GRID2: variants seen among roughly 807,000 people sequenced by gnomAD.
The protein encoded by GRID2 is glutamate ionotropic receptor delta type subunit 2.
In GRID2, 33 loss-of-function variants were observed where a neutral mutation model predicts 114.8. The observed-to-expected ratio is 0.29, with a 90% CI of 0.22 to 0.38. The LOEUF is 0.38. Ranked by LOEUF, GRID2 falls within the 10% of genes least tolerant of loss-of-function variation. The pLI is 1.00. For missense variants in GRID2, 1,184 were observed against 1,257.7 expected (o/e 0.94, Z 0.89); for synonymous variants, 505 against 449.9 (o/e 1.12, Z -1.55).
At chr4:92,582,116 T>A in intron 1 of GRID2, among the ~76,000 whole-genome samples, 1 of 152,082 alleles carries the variant, frequency 6.6e-6, no homozygotes, top group Non-Finnish European at 1.5e-5. Flanking sequence ...ATAGTTTCTG[T>A]ACCTGGCCAC....
intron 4 of GRID2, among the ~76,000 whole-genome samples, chr4:93,173,760 G>C (rs1739078235): frequency 6.6e-6 from 1 of 152,068 alleles, no homozygotes; most frequent in African/African-American, 2.4e-5. Context: ...CTCCCAAGCA[G>C]CTGGGACTAT....
At chr4:92,460,805 GTTTTTC>G (rs1007708375) in intron 1 of GRID2, among the ~76,000 whole-genome samples, 4 of 151,884 alleles carry the variant, frequency 2.6e-5, no homozygotes, top group Non-Finnish European at 2.9e-5. Flanking sequence ...TTACCTCACT[GTTTTTC>G]TTTTTCAAAA....
intron 8 of GRID2, among the ~76,000 whole-genome samples, chr4:93,314,939 G>A (rs939791820): frequency 6.6e-6 from 1 of 152,026 alleles, no homozygotes; most frequent in Non-Finnish European, 1.5e-5. Flanking sequence ...AATAGTCACT[G>A]TATTAGTCTG....
At chr4:93,015,553 C>T (rs1183550385) in intron 2 of GRID2, among the ~76,000 whole-genome samples, 2 of 152,112 alleles carry the variant, frequency 1.3e-5, no homozygotes, top group Non-Finnish European at 2.9e-5. Flanking sequence ...GATAAGTGCT[C>T]AACACATAGG....
At chr4:92,757,119 T>G (rs1057484666) in intron 2 of GRID2, among the ~76,000 whole-genome samples, 1 of 152,102 alleles carries the variant, frequency 6.6e-6, no homozygotes, top group African/African-American at 2.4e-5. Context: ...TTTTAGTGGA[T>G]TATTGTATTT....
chr4:93,362,628 G>A (rs1761981491), intron 8 of GRID2, among the ~76,000 whole-genome samples: 1 of 152,044 alleles, frequency 6.6e-6, no homozygotes, highest in African/African-American at 2.4e-5. Context: ...ATGTAGGGAA[G>A]AAAAATCTGG....
intron 2 of GRID2, among the ~76,000 whole-genome samples, chr4:93,001,907 G>C (rs183507247): frequency 6.6e-6 from 1 of 150,552 alleles, no homozygotes; most frequent in South Asian, 2.1e-4. Flanking sequence ...AATTATAAAG[G>C]ATAGACACCA....
At chr4:93,336,232 CT>C (rs1560512866) in intron 8 of GRID2, among the ~76,000 whole-genome samples, 1 of 151,964 alleles carries the variant, frequency 6.6e-6, no homozygotes, top group Non-Finnish European at 1.5e-5. Context: ...AACTGTATTC[CT>C]TTTGTATACC....
At chr4:93,348,494 A>C (rs1760464928) in intron 8 of GRID2, among the ~76,000 whole-genome samples, 1 of 152,188 alleles carries the variant, frequency 6.6e-6, no homozygotes, top group Admixed American at 6.6e-5. Context: ...AAAATGTCCG[A>C]AGCAAAGTGT....
At chr4:93,270,569 C>T (rs933408184) in intron 8 of GRID2, among the ~76,000 whole-genome samples, 3 of 152,088 alleles carry the variant, frequency 2.0e-5, no homozygotes, top group Admixed American at 6.6e-5. Context: ...AATTCAGCCT[C>T]ACCTCGACCG....
In GRID2 at chr4:93,422,768, T is replaced by C; in HGVS notation, c.1348-3T>C. 6.2e-7 allele frequency: 1 copy of C among 1,600,400 alleles called. No homozygotes were observed. The highest frequency in any genetic ancestry group is 1.1e-5 in the South Asian group (1 of 90,696). ...ATCAGAAATTTCTCTTATTTCCATG[T>C]AGGAAGAACCTTTTGTGATGGTCTC... On this transcript the variant is annotated splice_polypyrimidine_tract_variant and splice_region_variant and intron_variant, in intron 9 of 15. Transcript: ENST00000282020.
At position 92,993,853 on chromosome 4, in the gene GRID2, A is replaced by G. The variant is rs866426088; in HGVS notation, c.245-91142A>G. 3.5e-4 allele frequency among the ~76,000 whole-genome samples: 54 copies of G among 152,344 alleles called. 1 individual carries two copies. Among genetic ancestry groups the G allele is most frequent in the African/African-American group, 1.2e-3 (50 of 41,586 alleles). ...GACTTGTGATCTTAAGAGTGTGGCT[A>G]TAATTTAAATATGATATAAGTCACA... On this transcript the variant is annotated intron_variant, in intron 2 of 15. Transcript: ENST00000282020.
At chr4:92,571,923 A>G (rs1727643008) in intron 1 of GRID2, among the ~76,000 whole-genome samples, 1 of 152,220 alleles carries the variant, frequency 6.6e-6, no homozygotes, top group African/African-American at 2.4e-5. Flanking sequence ...TGCCTACAAG[A>G]GAAAGTAGAA....
chr4:92,815,651 A>G lies in GRID2; in HGVS notation c.244+225365A>G, dbSNP rs111308197. ...ATTGGGGCTGGGTGTAGTGGCTCATACCTGTAATCTCAATACTTTGGGAGG... is the reference window on the plus strand; with the variant it reads ...ATTGGGGCTGGGTGTAGTGGCTCATGCCTGTAATCTCAATACTTTGGGAGG... On this transcript the variant is annotated intron_variant, in intron 2 of 15. Coordinates refer to ENST00000282020, the MANE Select transcript of GRID2 (RefSeq NM_001510.4). 6.7e-3 allele frequency among the ~76,000 whole-genome samples: 1,013 copies of G among 152,046 alleles called. 17 individuals carry two copies. Among genetic ancestry groups the G allele is most frequent in the African/African-American group, 0.023 (949 of 41,506 alleles).
chr4:93,306,461 T>C (rs1190300540), intron 8 of GRID2: 2 of 152,160 alleles, frequency 1.3e-5, no homozygotes, highest in Non-Finnish European at 2.9e-5. Context: ...GGAAGAAAAT[T>C]AGATATTTTC....
At chr4:92,360,376 G>A (rs1033946983) in intron 1 of GRID2, among the ~76,000 whole-genome samples, 3 of 151,910 alleles carry the variant, frequency 2.0e-5, no homozygotes, top group African/African-American at 4.8e-5. Flanking sequence ...GGATTAGCCT[G>A]TGTGCTGCTG....
At chr4:93,147,324 T>G (rs1423586197) in intron 4 of GRID2, among the ~76,000 whole-genome samples, 1 of 152,168 alleles carries the variant, frequency 6.6e-6, no homozygotes, top group African/African-American at 2.4e-5. Flanking sequence ...TGCCTACCAT[T>G]CTAGAAAAAT....
At chr4:92,944,157 A>G (rs978110052) in intron 2 of GRID2, among the ~76,000 whole-genome samples, 1 of 152,192 alleles carries the variant, frequency 6.6e-6, no homozygotes, top group Admixed American at 6.5e-5. Flanking sequence ...TGCCTTTTGT[A>G]TGGCTATGCC....
intron 12 of GRID2, among the ~76,000 whole-genome samples, chr4:93,501,085 A>G (rs1461925270): frequency 6.6e-6 from 1 of 152,006 alleles, no homozygotes; most frequent in Non-Finnish European, 1.5e-5. Context: ...GTGGGTTACA[A>G]GTAAATATTC....
Sources: gnomAD v4.1 joint callset for allele counts (sites outside exome capture counted in the v4.1 genomes callset) on GRCh38, gnomAD v4.1.1 for gene constraint, MANE v1.5 for transcripts, NCBI Gene and HGNC (gene_info 2026-07-23, HGNC 2026-07-21) for gene names.